The following CAMK1G variants were observed in gnomAD, a reference collection of about 807,000 sequenced individuals.
CAMK1G encodes the protein calcium/calmodulin-dependent protein kinase type 1G.
CAMK1G carries 27 observed loss-of-function variants against 54.8 expected under a neutral mutation model. That is an observed-to-expected ratio of 0.49 (90% CI 0.36 to 0.68). The LOEUF (loss-of-function observed/expected upper bound fraction) is 0.68. Ranked by LOEUF, CAMK1G falls within the 30% of genes least tolerant of loss-of-function variation. CAMK1G has a pLI of 0.00. For missense variants in CAMK1G, 512 were observed against 591.0 expected (o/e 0.87, Z 1.39); for synonymous variants, 238 against 224.9 (o/e 1.06, Z -0.52).
intron 10 of CAMK1G, 64 bp downstream of exon 10, chr1:209,611,616 G>A: frequency 6.5e-7 from 1 of 1,531,272 alleles, no homozygotes; most frequent in East Asian, 2.3e-5. Context: ...GGCTGGCAGG[G>A]GCTGACATAA....
intron 10 of CAMK1G, 61 bp downstream of exon 10, chr1:209,611,613 A>C (rs1665782852): frequency 6.5e-7 from 1 of 1,529,824 alleles, no homozygotes; most frequent in Non-Finnish European, 9.0e-7. Context: ...CTGGGCTGGC[A>C]GGGGCTGACA....
intron 6 of CAMK1G, among the ~76,000 whole-genome samples, chr1:209,607,629 T>A (rs531651100): frequency 6.6e-6 from 1 of 152,302 alleles, no homozygotes; most frequent in South Asian, 2.1e-4. Context: ...ATCGACCCTG[T>A]CATGGGGAAA....
At chr1:209,591,756 C>T (rs1256299199) in intron 1 of CAMK1G, among the ~76,000 whole-genome samples, 1 of 152,188 alleles carries the variant, frequency 6.6e-6, no homozygotes, top group Non-Finnish European at 1.5e-5. Context: ...CTCTGGATCT[C>T]ATCAGAAGCT....
intron 1 of CAMK1G, among the ~76,000 whole-genome samples, chr1:209,592,440 G>A (rs1305928073): frequency 6.6e-6 from 1 of 151,738 alleles, no homozygotes; most frequent in South Asian, 2.1e-4. Context: ...ACTCTCATGA[G>A]CTGACATGAG....
chr1:209,609,672 T>G (rs1469559196), intron 8 of CAMK1G, among the ~76,000 whole-genome samples, 179 bp from the exon 9 acceptor site: 2 of 152,152 alleles, frequency 1.3e-5, no homozygotes, highest in Non-Finnish European at 2.9e-5. Context: ...TCTTTGGTGG[T>G]TTATGGTGGG....
At chr1:209,606,478 G>A in intron 6 of CAMK1G, 35 bp downstream of exon 6, 1 of 1,607,472 alleles carries the variant, frequency 6.2e-7, no homozygotes. Context: ...TTGACCAGTT[G>A]GCTACATTCA....
chr1:209,589,824 C>A (rs113008628), intron 1 of CAMK1G, among the ~76,000 whole-genome samples: 2,064 of 152,304 alleles, frequency 0.014, 44 homozygotes, highest in African/African-American at 0.045. Context: ...CCAAATTGTA[C>A]ACAGGAAGTA....
At chr1:209,604,257 C>T (rs1320444348) in intron 4 of CAMK1G, among the ~76,000 whole-genome samples, 1 of 152,120 alleles carries the variant, frequency 6.6e-6, no homozygotes, top group Non-Finnish European at 1.5e-5. Context: ...GGAAAGGGCC[C>T]CTAGTGGCAC....
At chr1:209,603,309 T>C in intron 4 of CAMK1G, 21 bp downstream of exon 4, 12 of 1,602,568 alleles carry the variant, frequency 7.5e-6, no homozygotes, top group Non-Finnish European at 1.0e-5. Flanking sequence ...GGTGACTTGC[T>C]TCCTTCACAG....
Position 209,611,563 on chromosome 1 carries a change from C to G in CAMK1G, c.915+11C>G, listed in dbSNP as rs1309287390. ...AAGAGCAAGTGGAGGGTAAGCTGTCCTCTCCAGGGGGTGGGAAAGCTGTTC... is the reference window on the plus strand; with the variant it reads ...AAGAGCAAGTGGAGGGTAAGCTGTCGTCTCCAGGGGGTGGGAAAGCTGTTC... On this transcript the variant is annotated intron_variant, in intron 10 of 12. Transcript: ENST00000361322. 6.2e-7 allele frequency: 1 copy of G among 1,610,492 alleles called. No homozygotes were observed. The highest frequency in any genetic ancestry group is 1.3e-5 in the African/African-American group (1 of 74,850).
chr1:209,609,407 A>G (rs1665726865), intron 8 of CAMK1G, among the ~76,000 whole-genome samples: 1 of 152,212 alleles, frequency 6.6e-6, no homozygotes, highest in Non-Finnish European at 1.5e-5. Context: ...AAGAGCAGCA[A>G]AACTAAGGGG....
intron 12 of CAMK1G, 23 bp downstream of exon 12, chr1:209,612,935 G>T: frequency 8.2e-7 from 1 of 1,225,020 alleles, no homozygotes. Context: ...ACAGTGTGAG[G>T]CTTGGGGAGA....
chr1:209,597,363 G>A (rs1665415368), intron 2 of CAMK1G, among the ~76,000 whole-genome samples: 2 of 152,168 alleles, frequency 1.3e-5, no homozygotes, highest in Non-Finnish European at 2.9e-5. Context: ...ATTCTTATGT[G>A]TTGTGTATGT....
chr1:209,601,932 A>G (rs1665538308), intron 3 of CAMK1G, among the ~76,000 whole-genome samples: 1 of 152,218 alleles, frequency 6.6e-6, no homozygotes, highest in Non-Finnish European at 1.5e-5. Flanking sequence ...TGCCTGAGCT[A>G]GATCTGAACC....
At chr1:209,596,118 C>G (rs901022952) in intron 2 of CAMK1G, among the ~76,000 whole-genome samples, 1 of 152,236 alleles carries the variant, frequency 6.6e-6, no homozygotes, top group African/African-American at 2.4e-5. Context: ...CGGGCAATGA[C>G]GGCTGCCCAC....
chr1:209,586,765 T>A (rs904189890), intron 1 of CAMK1G, among the ~76,000 whole-genome samples: 1 of 152,070 alleles, frequency 6.6e-6, no homozygotes, highest in Admixed American at 6.5e-5. Context: ...AGGCCCAATA[T>A]ACTTAGCAGC....
Position 209,613,084 on chromosome 1 carries a change from C to T in CAMK1G, c.*82C>T, listed in dbSNP as rs533436926. On this transcript the variant is annotated 3_prime_UTR_variant, in exon 13 of 13. Transcript: ENST00000361322. ...TGCTCTTCCAAACCTGGTGTCTATC[C>T]GGCAGAGGGAGGAAGGCAGAGCAAG... 900 of 511,138 alleles carry T rather than the reference C, an allele frequency of 1.8e-3. 18 individuals carry two copies. The South Asian group carries it at 0.019, about 11-fold the overall frequency. The allele number at this position is 511,138 out of a possible 1,614,324, so 31.7% of individuals were successfully genotyped here. A position where few individuals can be genotyped will look rare whatever the true frequency, so the allele number is the denominator to read the frequency against.
In CAMK1G at chr1:209,611,727, A is replaced by G. The variant is rs1665784837; in HGVS notation, c.916-65A>G. The G allele has an allele frequency of 2.6e-6, 4 of 1,568,308 alleles. No homozygotes were observed. The South Asian group carries it at 3.5e-5, about 14-fold the overall frequency. On this transcript the variant is annotated intron_variant, in intron 10 of 12. Transcript: ENST00000361322. The stretch of plus-strand genomic sequence containing the variant: ...TTTCAAGAGGCCACAAGGCAAAGGG[A>G]AAGTTTAAGCTCCAAGGCCCTCTGA...
At chr1:209,584,790 A>T (rs1438072245) in intron 1 of CAMK1G, among the ~76,000 whole-genome samples, 1 of 152,230 alleles carries the variant, frequency 6.6e-6, no homozygotes, top group Non-Finnish European at 1.5e-5. Flanking sequence ...TCATAAGCTG[A>T]AGACAGAACA....
Sources: gnomAD v4.1 joint callset for allele counts (sites outside exome capture counted in the v4.1 genomes callset) on GRCh38, gnomAD v4.1.1 for gene constraint, MANE v1.5 for transcripts, NCBI Gene and HGNC (gene_info 2026-07-23, HGNC 2026-07-21) for gene names.